TNRC6A: variants seen among roughly 807,000 people sequenced by gnomAD.
The protein encoded by TNRC6A is trinucleotide repeat-containing gene 6A protein.
TNRC6A carries 44 observed loss-of-function variants against 221.2 expected under a neutral mutation model. That is an observed-to-expected ratio of 0.20 (90% CI 0.16 to 0.26). TNRC6A has a LOEUF of 0.26. Ranked by LOEUF, TNRC6A falls within the 10% of genes least tolerant of loss-of-function variation. TNRC6A has a pLI of 1.00. For synonymous variants in TNRC6A, 847 were observed against 838.5 expected, an observed-to-expected ratio of 1.01 and a Z score of -0.18; for missense variants, 2,199 against 2,404.4, an observed-to-expected ratio of 0.91 and a Z score of 1.79.
chr16:24,651,397 A>C (rs1408387492), intron 2 of TNRC6A, among the ~76,000 whole-genome samples: 1 of 151,634 alleles, frequency 6.6e-6, no homozygotes, highest in Non-Finnish European at 1.5e-5. Context: ...AATCAGCCAC[A>C]CATGGTGGCC....
chr16:24,796,033 A>G (rs1596747413), intron 9 of TNRC6A, 94 bp downstream of exon 9: 2 of 1,402,560 alleles, frequency 1.4e-6, no homozygotes, highest in Non-Finnish European at 2.0e-6. Context: ...GCTGTGTGCC[A>G]GGTACTGTGC....
At chr16:24,627,622 C>A (rs1034982068) in intron 1 of TNRC6A, among the ~76,000 whole-genome samples, 4 of 151,856 alleles carry the variant, frequency 2.6e-5, no homozygotes, top group Non-Finnish European at 5.9e-5. Flanking sequence ...TTGATTTGAC[C>A]CCTGATGTGT....
intron 19 of TNRC6A, 169 bp from the exon 20 acceptor site, chr16:24,816,647 G>A: frequency 3.9e-6 from 3 of 778,186 alleles, no homozygotes; most frequent in South Asian, 2.3e-5. Flanking sequence ...ATAAAGAATA[G>A]CTTCTATAAT....
intron 2 of TNRC6A, among the ~76,000 whole-genome samples, chr16:24,644,081 A>ATTTTTTTTTTTTTTTT (rs748251760): frequency 2.5e-5 from 2 of 81,560 alleles, no homozygotes; most frequent in African/African-American, 1.1e-4. Context: ...CTTATCTTTA[A>ATTTTTTTTTTTTTTTT]TTTTTTTTTT....
At chr16:24,795,349 T>C (rs1172637678) in intron 8 of TNRC6A, among the ~76,000 whole-genome samples, 1 of 152,196 alleles carries the variant, frequency 6.6e-6, no homozygotes, top group Non-Finnish European at 1.5e-5. Flanking sequence ...AAGAAACTCC[T>C]CAAATGTCTC....
intron 1 of TNRC6A, among the ~76,000 whole-genome samples, chr16:24,616,865 G>A (rs543826445): frequency 1.3e-5 from 2 of 152,220 alleles, no homozygotes; most frequent in Admixed American, 1.3e-4. Flanking sequence ...AGGTTGCAGT[G>A]AGCCGAGATC....
intron 18 of TNRC6A, among the ~76,000 whole-genome samples, chr16:24,813,338 A>C (rs995582046): frequency 6.6e-6 from 1 of 151,936 alleles, no homozygotes; most frequent in Non-Finnish European, 1.5e-5. Flanking sequence ...AACCCTTGCC[A>C]CCCTCCCCAC....
chr16:24,663,901 G>C (rs755481419), intron 2 of TNRC6A: 6 of 456,466 alleles, frequency 1.3e-5, no homozygotes, highest in Non-Finnish European at 2.6e-5. Flanking sequence ...TTATCAGGCA[G>C]AATATTTTAA....
chr16:24,695,411 T>C (rs2055837990), intron 2 of TNRC6A, among the ~76,000 whole-genome samples: 1 of 152,178 alleles, frequency 6.6e-6, no homozygotes, highest in Admixed American at 6.5e-5. Context: ...TTTTTTGTTT[T>C]GTTTTTTTGA....
intron 2 of TNRC6A, among the ~76,000 whole-genome samples, chr16:24,719,840 C>CAA (rs59027857): frequency 0.066 from 6,743 of 102,926 alleles, 246 homozygotes; most frequent in Middle Eastern, 0.11. Flanking sequence ...GACCTTGTCT[C>CAA]AAAAAAAAAA....
intron 1 of TNRC6A, among the ~76,000 whole-genome samples, chr16:24,622,339 A>C (rs530136069): frequency 2.4e-4 from 37 of 152,298 alleles, no homozygotes; most frequent in African/African-American, 8.7e-4. Context: ...TGTGGCTCAC[A>C]CCTGTAATCG....
chr16:24,611,615 C>T (rs916991086), intron 1 of TNRC6A, among the ~76,000 whole-genome samples: 2 of 152,050 alleles, frequency 1.3e-5, no homozygotes, highest in African/African-American at 2.4e-5. Flanking sequence ...GAGCTGGCTC[C>T]GAGTTTGAGG....
At chr16:24,818,839 C>A in intron 21 of TNRC6A, 139 bp downstream of exon 21, 1 of 703,050 alleles carries the variant, frequency 1.4e-6, no homozygotes, top group Non-Finnish European at 2.5e-6. Context: ...TTATTTTTAA[C>A]ATCCCTTACT....
chr16:24,630,010 T>A (rs554796064), intron 1 of TNRC6A, among the ~76,000 whole-genome samples: 164 of 152,248 alleles, frequency 1.1e-3, no homozygotes, highest in African/African-American at 3.7e-3. Flanking sequence ...TTTGCCATCT[T>A]AACCATTTTT....
In TNRC6A at chr16:24,823,644, A is replaced by G. The variant is rs1177178924; in HGVS notation, c.5726A>G (p.Asn1909Ser). 1 of 1,613,318 alleles carries G rather than the reference A, an allele frequency of 6.2e-7. No individual in the cohort carries two copies. The highest frequency in any genetic ancestry group is 8.5e-7 in the Non-Finnish European group (1 of 1,179,624). Residue 1909 changes from asparagine to serine, a missense_variant, in exon 25 of 25, where the codon AAC (asparagine) becomes AGC (serine). By Grantham distance (46) the Asn-to-Ser change is conservative (BLOSUM62 1). Around this residue, in one of 8 missense-constraint regions of TNRC6A, gnomAD observed 130 missense variants for 121.7 expected, o/e 1.07. Coordinates refer to ENST00000395799, the MANE Select transcript of TNRC6A (RefSeq NM_014494.4). This position sits in a 1 kb window ranked among gnomAD's most constrained non-coding sequence, Gnocchi z 4.3. ...HWNGAGLSGT[N>S]CGDLHGTSLW... ...AATGGTGCTGGGCTGTCGGGAACTAACTGTGGAGACCTTCACGGCACTTCA... is the reference window on the plus strand; with the variant it reads ...AATGGTGCTGGGCTGTCGGGAACTAGCTGTGGAGACCTTCACGGCACTTCA...
intron 5 of TNRC6A, among the ~76,000 whole-genome samples, chr16:24,781,195 AC>A (rs1419293301): frequency 1.3e-5 from 2 of 151,780 alleles, no homozygotes; most frequent in Non-Finnish European, 1.5e-5. Context: ...AGTAGCTGGG[AC>A]TACAGGCGTT....
intron 2 of TNRC6A, among the ~76,000 whole-genome samples, chr16:24,685,816 G>T (rs192759946): frequency 1.0e-3 from 158 of 152,278 alleles, no homozygotes; most frequent in Admixed American, 2.1e-3. Context: ...CTGTTGAGTT[G>T]TCATGAGGAT....
chr16:24,804,791 T>C lies in TNRC6A; in HGVS notation c.3924T>C (p.Pro1308=), dbSNP rs1647422245. The change falls in exon 13 of 25, where the codon CCT becomes CCC. Residue 1308 remains proline (P), a synonymous_variant. Coordinates refer to ENST00000395799, the MANE Select transcript of TNRC6A (RefSeq NM_014494.4). ...MKLPPSNSAL[P]NQALGSIAGL... ...TTCCCCCTTCAAATAGTGCACTACCTAACCAGGCCCTTGGCTCCATAGCAG... is the reference window on the plus strand; with the variant it reads ...TTCCCCCTTCAAATAGTGCACTACCCAACCAGGCCCTTGGCTCCATAGCAG... The C allele has an allele frequency of 6.2e-7, 1 of 1,611,382 alleles. No homozygotes were observed. The highest frequency in any genetic ancestry group is 1.3e-5 in the African/African-American group (1 of 74,718).
chr16:24,811,680 C>T (rs1325163996), intron 18 of TNRC6A, among the ~76,000 whole-genome samples: 5 of 150,862 alleles, frequency 3.3e-5, no homozygotes, highest in Non-Finnish European at 7.4e-5. Flanking sequence ...AATGATGCCT[C>T]TGGGTGCAGT....
Sources: allele counts gnomAD v4.1 joint callset (sites outside exome capture counted in the v4.1 genomes callset), GRCh38; gene constraint gnomAD v4.1.1; regional missense constraint gnomAD v4.1.1; non-coding constraint Gnocchi (gnomAD v3.1); transcripts MANE v1.5; gene names NCBI Gene and HGNC (gene_info 2026-07-23, HGNC 2026-07-21).